GRK3: variants seen among roughly 807,000 people sequenced by gnomAD.
GRK3 encodes the protein G protein-coupled receptor kinase 3, also known as adrenergic, beta, receptor kinase 2.
In GRK3, 54 loss-of-function variants were observed where a neutral mutation model predicts 95.7. The observed-to-expected ratio is 0.56, with a 90% CI of 0.45 to 0.71. The LOEUF (loss-of-function observed/expected upper bound fraction) is 0.71. Ranked by LOEUF, GRK3 falls within the 30% of genes least tolerant of loss-of-function variation. The pLI is 0.00. For missense variants in GRK3, 649 were observed against 851.2 expected (o/e 0.76, Z 2.96); for synonymous variants, 281 against 290.8 (o/e 0.97, Z 0.34).
intron 18 of GRK3, among the ~76,000 whole-genome samples, chr22:25,717,974 C>T (rs941796471): frequency 6.6e-6 from 1 of 152,004 alleles, no homozygotes; most frequent in East Asian, 1.9e-4. Context: ...TAACTTTTGC[C>T]CTCCCAGAGC....
rs546293878 is a variant in GRK3 at position 25,712,357 on chromosome 22, G to A, written c.1491+1194G>A. Among the ~76,000 whole-genome samples the A allele has an allele frequency of 2.9e-3, 442 of 152,284 alleles. 2 individuals carry two copies. Among genetic ancestry groups the A allele is most frequent in the Non-Finnish European group, 3.4e-3 (233 of 68,026 alleles). ...GCACAACCAGGCATCGTCTGTAGCC[G>A]GAACCATTGATACCTGTCAGGTATA... On this transcript the variant is annotated intron_variant, in intron 17 of 20. Coordinates refer to ENST00000324198, the MANE Select transcript of GRK3 (RefSeq NM_005160.4).
At chr22:25,575,326 A>G (rs1221589975) in intron 1 of GRK3, among the ~76,000 whole-genome samples, 1 of 152,234 alleles carries the variant, frequency 6.6e-6, no homozygotes, top group Non-Finnish European at 1.5e-5. Flanking sequence ...GGTAGCATAG[A>G]TGATGGTGGA....
intron 2 of GRK3, among the ~76,000 whole-genome samples, chr22:25,626,761 G>A (rs9612998): frequency 0.022 from 3,346 of 152,264 alleles, 60 homozygotes; most frequent in Non-Finnish European, 0.034. Flanking sequence ...TGGTCGGGGC[G>A]GCATAGCACC....
At chr22:25,585,003 C>T (rs547695934) in intron 1 of GRK3, among the ~76,000 whole-genome samples, 1 of 152,412 alleles carries the variant, frequency 6.6e-6, no homozygotes, top group South Asian at 2.1e-4. Flanking sequence ...AGAATTCTTC[C>T]CAGGTAATCC....
chr22:25,592,272 CCA>C lies in GRK3; in HGVS notation c.114-12102_114-12101del, dbSNP rs377186634. On this transcript the variant is annotated intron_variant, in intron 1 of 20. Transcript: ENST00000324198. ...AACTTTTCATATGCTTATTTGCCACCCACATATCTTCTTTGAAGTGTCTATTC... is the reference window on the plus strand; with the variant it reads ...AACTTTTCATATGCTTATTTGCCACCCATATCTTCTTTGAAGTGTCTATTC... Among the ~76,000 whole-genome samples, 643 of 152,248 alleles carry C rather than the reference CCA, an allele frequency of 4.2e-3. 4 individuals carry two copies. Among genetic ancestry groups the C allele is most frequent in the African/African-American group, 0.014 (588 of 41,540 alleles).
chr22:25,579,840 C>T (rs1932039552), intron 1 of GRK3, among the ~76,000 whole-genome samples: 1 of 151,890 alleles, frequency 6.6e-6, no homozygotes, highest in African/African-American at 2.4e-5. Context: ...TTAAAAAAAT[C>T]CCCATTTTGC....
At chr22:25,608,134 G>C (rs2084466910) in intron 2 of GRK3, among the ~76,000 whole-genome samples, 1 of 152,136 alleles carries the variant, frequency 6.6e-6, no homozygotes, top group East Asian at 1.9e-4. Flanking sequence ...TTTTATTAGG[G>C]ATCAACTTAA....
chr22:25,709,831 G>A (rs961239241), intron 15 of GRK3, 67 bp from the exon 16 acceptor site: 3 of 1,231,688 alleles, frequency 2.4e-6, no homozygotes, highest in Non-Finnish European at 3.6e-6. Flanking sequence ...ACAGGAGACA[G>A]TTTTGCACAA....
At chr22:25,667,993 TAAC>T (rs2084953809) in intron 6 of GRK3, among the ~76,000 whole-genome samples, 193 bp downstream of exon 6, 1 of 152,248 alleles carries the variant, frequency 6.6e-6, no homozygotes, top group Non-Finnish European at 1.5e-5. Flanking sequence ...TTGTCTATCT[TAAC>T]ATCTCTTTGA....
intron 2 of GRK3, among the ~76,000 whole-genome samples, chr22:25,612,600 C>T (rs1300131669): frequency 6.6e-6 from 1 of 151,802 alleles, no homozygotes; most frequent in Non-Finnish European, 1.5e-5. Context: ...TCTTTGTTTC[C>T]AGTCTGGTGT....
chr22:25,565,234 G>C, intron 1 of GRK3, 81 bp downstream of exon 1: 2 of 651,710 alleles, frequency 3.1e-6, no homozygotes, highest in East Asian at 3.9e-5. Flanking sequence ...CTGGAGGGTC[G>C]GGCGCTGAGC....
intron 10 of GRK3, 39 bp downstream of exon 10, chr22:25,685,287 T>C: frequency 6.8e-7 from 1 of 1,463,112 alleles, no homozygotes; most frequent in Middle Eastern, 1.7e-4. Flanking sequence ...CTTGAAAGAC[T>C]TTGCCATGAT....
At position 25,726,423 on chromosome 22, in the gene GRK3, G is replaced by C. The variant is rs1384926282; in HGVS notation, c.*3973G>C. ...GTTATCTTGTATGATTTAATCATAT[G>C]CAGTGTTGTCTCAGTTACGTTCAGG... is the stretch of plus-strand genomic sequence containing the variant. On this transcript the variant is annotated 3_prime_UTR_variant, in exon 21 of 21. Coordinates refer to ENST00000324198, the MANE Select transcript of GRK3 (RefSeq NM_005160.4). 3 of 152,140 alleles carry C rather than the reference G, an allele frequency of 2.0e-5. No individual in the cohort carries two copies. The highest frequency in any genetic ancestry group is 2.9e-5 in the Non-Finnish European group (2 of 68,028). 9.4% of individuals were successfully genotyped at this position (152,140 alleles called of 1,614,324 possible).
intron 2 of GRK3, among the ~76,000 whole-genome samples, chr22:25,605,298 T>C (rs1258135405): frequency 6.6e-6 from 1 of 152,176 alleles, no homozygotes; most frequent in East Asian, 1.9e-4. Context: ...TATAGAGATA[T>C]TTCATCCTGC....
intron 2 of GRK3, among the ~76,000 whole-genome samples, chr22:25,610,149 C>T (rs1377064627): frequency 6.6e-6 from 1 of 152,116 alleles, no homozygotes; most frequent in Non-Finnish European, 1.5e-5. Context: ...CCTCACCCAG[C>T]CCTGCAATTT....
In GRK3 at chr22:25,661,569, A is replaced by G; in HGVS notation, c.265-7A>G. 1 of 1,590,324 alleles carries G rather than the reference A, an allele frequency of 6.3e-7. No homozygotes were observed. The highest frequency in any genetic ancestry group is 8.6e-7 in the Non-Finnish European group (1 of 1,161,928). On this transcript the variant is annotated splice_polypyrimidine_tract_variant and splice_region_variant and intron_variant, in intron 3 of 20. Coordinates refer to ENST00000324198, the MANE Select transcript of GRK3 (RefSeq NM_005160.4). ...CAACCTAACAATGATAACTTTAAAA[A>G]ACCTAGATAAAGGAATATGAAAAAC...
Position 25,658,149 on chromosome 22 carries a change from A to T in GRK3, c.265-3427A>T, listed in dbSNP as rs1357198282. Among the ~76,000 whole-genome samples the T allele has an allele frequency of 2.2e-4, 34 of 152,118 alleles. 1 individual carries two copies. Among genetic ancestry groups the T allele is most frequent in the Admixed American group, 2.2e-3 (34 of 15,272 alleles). ...GCTGCTTTAAAATCCTTGTCTGATAATTCTAACATTTGGGCTATCTTGGAT... is the reference window on the plus strand; with the variant it reads ...GCTGCTTTAAAATCCTTGTCTGATATTTCTAACATTTGGGCTATCTTGGAT... On this transcript the variant is annotated intron_variant, in intron 3 of 20. Coordinates refer to ENST00000324198, the MANE Select transcript of GRK3 (RefSeq NM_005160.4).
At chr22:25,635,142 C>T (rs756705864) in intron 2 of GRK3, among the ~76,000 whole-genome samples, 10 of 152,114 alleles carry the variant, frequency 6.6e-5, no homozygotes, top group Non-Finnish European at 1.2e-4. Flanking sequence ...TTTTTGTTAA[C>T]GTGTGGCCCA....
rs200932412 is a variant in GRK3, at chr22:25,711,105, A to G, written c.1433A>G (p.Asn478Ser). 1.1e-5 allele frequency: 18 copies of G among 1,613,752 alleles called. No individual in the cohort carries two copies. Among genetic ancestry groups the G allele is most frequent in the East Asian group, 2.2e-5 (1 of 44,882 alleles). ...PPLIPPRGEV[N>S]AADAFDIGSF... ...TTGATTCCTCCCCGGGGAGAAGTCA[A>G]TGCTGCTGATGCCTTTGATATTGGC... The change falls in exon 17 of 21, where the codon AAT becomes AGT. Residue 478 changes from asparagine to serine, a missense_variant. Around this residue, in one of 3 missense-constraint regions of GRK3, gnomAD observed 382 missense variants for 493.8 expected, o/e 0.77. Coordinates refer to ENST00000324198, the MANE Select transcript of GRK3 (RefSeq NM_005160.4).
Sources: gnomAD v4.1 joint callset for allele counts (sites outside exome capture counted in the v4.1 genomes callset) on GRCh38, gnomAD v4.1.1 for gene constraint, gnomAD v4.1.1 regional missense constraint, MANE v1.5 for transcripts, NCBI Gene and HGNC (gene_info 2026-07-23, HGNC 2026-07-21) for gene names.